Variants in ANKRD44 observed in about 807,000 individuals in gnomAD.
ANKRD44 encodes serine/threonine-protein phosphatase 6 regulatory ankyrin repeat subunit B.
In ANKRD44, 35 loss-of-function variants were observed where a neutral mutation model predicts 116.0. That is an observed-to-expected ratio of 0.30 (90% CI 0.23 to 0.40). The LOEUF (loss-of-function observed/expected upper bound fraction) is 0.40, where lower values mean the gene tolerates loss of function less well. Among genes scored for constraint, ANKRD44 ranks in the 10% least tolerant of loss-of-function variants. The pLI, the probability that ANKRD44 is intolerant of heterozygous loss-of-function variation, is 1.00. For synonymous variants in ANKRD44, 435 were observed against 461.8 expected, an observed-to-expected ratio of 0.94 and a Z score of 0.74; for missense variants, 1,014 against 1,242.6, an observed-to-expected ratio of 0.82 and a Z score of 2.77.
At chr2:197,155,566 C>T (rs2079788461) in intron 2 of ANKRD44, among the ~76,000 whole-genome samples, 1 of 152,094 alleles carries the variant, frequency 6.6e-6, no homozygotes, top group Non-Finnish European at 1.5e-5. Context: ...GGTATTGGTG[C>T]AAAGAAAACT....
intron 2 of ANKRD44, among the ~76,000 whole-genome samples, chr2:197,179,525 C>T (rs2080452218): frequency 6.6e-6 from 1 of 152,214 alleles, no homozygotes; most frequent in Admixed American, 6.5e-5. Context: ...TTACAAAGTA[C>T]ATTTTTAATT....
Position 197,048,535 on chromosome 2 carries a change from C to A in ANKRD44, c.1651-23268G>T, listed in dbSNP as rs1200357624. ...GACATGAACTCATCCTTTTTTATGG[C>A]TGCATAGTATTCCATGGTGTATATG... On this transcript the variant is annotated intron_variant, in intron 16 of 27. Transcript: ENST00000282272. Among the ~76,000 whole-genome samples the A allele has an allele frequency of 4.6e-5, 7 of 152,296 alleles. No individual in the cohort carries two copies. The East Asian group carries it at 1.4e-3, about 29-fold the overall frequency.
Position 197,186,140 on chromosome 2 carries a change from G to A in ANKRD44, c.111+883C>T, listed in dbSNP as rs374422360. On this transcript the variant is annotated intron_variant, in intron 2 of 27. Transcript: ENST00000282272. ...GAAAAATAAAAACCATTTTTAGCAG[G>A]AGGCCTGCAGAAAAAAATGTATGAT... 5.3e-5 allele frequency among the ~76,000 whole-genome samples: 8 copies of A among 152,134 alleles called. No individual in the cohort carries two copies. In the East Asian group the frequency reaches 1.2e-3, roughly 22 times the overall value.
chr2:197,289,046 A>C (rs72930808), intron 1 of ANKRD44, among the ~76,000 whole-genome samples: 8,370 of 152,282 alleles, frequency 0.055, 397 homozygotes, highest in South Asian at 0.21. Context: ...AAGTAACTAG[A>C]AGAGAGGCTC....
chr2:196,986,834 A>C lies in ANKRD44; in HGVS notation c.*2757T>G, dbSNP rs1331811460. Reference sequence around the variant, plus strand: ...TTTCAAAGTCATTCACTGAACTAAAAGTCATTTTCCCCATTTTTACAGTCA... The same window carrying C: ...TTTCAAAGTCATTCACTGAACTAAACGTCATTTTCCCCATTTTTACAGTCA... On this transcript the variant is annotated 3_prime_UTR_variant, in exon 28 of 28. Coordinates refer to ENST00000282272, the MANE Select transcript of ANKRD44 (RefSeq NM_001195144.2). 1.0e-6 allele frequency: 1 copy of C among 985,340 alleles called. No homozygotes were observed. The highest frequency in any genetic ancestry group is 1.2e-6 in the Non-Finnish European group (1 of 829,940). 61.0% of individuals were successfully genotyped at this position (985,340 alleles called of 1,614,324 possible).
intron 2 of ANKRD44, among the ~76,000 whole-genome samples, chr2:197,178,286 C>CA (rs949990544): frequency 9.2e-5 from 14 of 151,668 alleles, no homozygotes; most frequent in African/African-American, 3.4e-4. Flanking sequence ...GCCTGGGCAA[C>CA]ACAGCGAGAA....
intron 1 of ANKRD44, among the ~76,000 whole-genome samples, chr2:197,286,381 T>C (rs983443604): frequency 4.5e-5 from 1 of 22,458 alleles, no homozygotes; most frequent in Admixed American, 4.9e-4. Flanking sequence ...TTTTTTTTTC[T>C]TTTTTTTTTA....
intron 1 of ANKRD44, among the ~76,000 whole-genome samples, chr2:197,305,158 A>C (rs939726953): frequency 6.6e-6 from 1 of 152,164 alleles, no homozygotes; most frequent in Non-Finnish European, 1.5e-5. Context: ...AACATTTATA[A>C]ATGTTGTTTC....
chr2:197,142,419 T>C (rs1353313356), intron 3 of ANKRD44, among the ~76,000 whole-genome samples: 37 of 152,358 alleles, frequency 2.4e-4, no homozygotes, highest in Admixed American at 2.4e-3. Flanking sequence ...AATATGATTA[T>C]AATATAACAA....
At chr2:197,016,134 C>T (rs1291794332) in intron 17 of ANKRD44, 3 of 322,458 alleles carry the variant, frequency 9.3e-6, no homozygotes, top group Admixed American at 7.7e-5. Context: ...AAATCTGCCA[C>T]AGGAATGATC....
At chr2:197,284,541 CAT>C (rs1263855224) in intron 1 of ANKRD44, among the ~76,000 whole-genome samples, 87 of 75,804 alleles carry the variant, frequency 1.1e-3, no homozygotes, top group Middle Eastern at 5.3e-3. Flanking sequence ...CACACACACA[CAT>C]AATTTGTGTG....
intron 23 of ANKRD44, among the ~76,000 whole-genome samples, chr2:196,999,752 C>A (rs1433891857): frequency 6.6e-6 from 1 of 151,956 alleles, no homozygotes; most frequent in African/African-American, 2.4e-5. Flanking sequence ...TGCCACCACA[C>A]CCGGCTAATT....
At chr2:196,981,254 A>G (rs1403768794) in intron 21 of ANKRD44, among the ~76,000 whole-genome samples, 2 of 152,182 alleles carry the variant, frequency 1.3e-5, no homozygotes, top group Non-Finnish European at 2.9e-5. Context: ...TCCATGATCT[A>G]CATAATCACA....
intron 4 of ANKRD44, among the ~76,000 whole-genome samples, chr2:197,130,412 T>C (rs2079068955): frequency 6.6e-6 from 1 of 152,244 alleles, no homozygotes; most frequent in African/African-American, 2.4e-5. Context: ...GACACTAAAG[T>C]ATGACCAGTG....
chr2:197,149,044 T>C (rs2079574631), intron 2 of ANKRD44, among the ~76,000 whole-genome samples: 5 of 152,230 alleles, frequency 3.3e-5, no homozygotes, highest in Admixed American at 6.5e-5. Context: ...TCTATTTCTA[T>C]TGATAACCCT....
intron 16 of ANKRD44, among the ~76,000 whole-genome samples, chr2:197,068,400 AAAATAAAAT>A (rs1224665442): frequency 3.2e-5 from 2 of 62,896 alleles, no homozygotes; most frequent in African/African-American, 4.0e-5. Context: ...AAAAAAAATA[AAAATAAAAT>A]AAAAAAAAAT....
intron 1 of ANKRD44, among the ~76,000 whole-genome samples, chr2:197,281,803 C>T (rs1355264877): frequency 6.6e-6 from 1 of 152,172 alleles, no homozygotes; most frequent in Non-Finnish European, 1.5e-5. Context: ...TCCTTTCTTG[C>T]TTATAACTTT....
intron 16 of ANKRD44, among the ~76,000 whole-genome samples, chr2:197,045,842 G>T (rs919436966): frequency 6.6e-6 from 1 of 151,990 alleles, no homozygotes; most frequent in African/African-American, 2.4e-5. Context: ...CAATAAATTT[G>T]TTTTGATGCA....
intron 9 of ANKRD44, among the ~76,000 whole-genome samples, chr2:197,108,146 T>C (rs749826740): frequency 5.3e-5 from 8 of 152,220 alleles, no homozygotes; most frequent in African/African-American, 9.6e-5. Context: ...CAGTCTCTGA[T>C]GTCAGACTTC....
Sources: allele counts gnomAD v4.1 joint callset (sites outside exome capture counted in the v4.1 genomes callset), GRCh38; gene constraint gnomAD v4.1.1; transcripts MANE v1.5; gene names NCBI Gene and HGNC (gene_info 2026-07-23, HGNC 2026-07-21).